The following CNBD1 variants were observed in gnomAD, a reference collection of about 807,000 sequenced individuals.
CNBD1 encodes cyclic nucleotide binding domain containing 1, also known as cyclic nucleotide-binding domain-containing protein 1.
A neutral mutation model predicts 54.4 loss-of-function variants in CNBD1; 71 were observed. The ratio of observed to expected loss-of-function variants is 1.30; its 90% CI spans 1.08 to 1.59. The LOEUF (loss-of-function observed/expected upper bound fraction) is 1.59. CNBD1 is among the 40% of genes most tolerant of loss of function. The pLI is 0.00. For missense variants in CNBD1, 659 were observed against 518.0 expected, an observed-to-expected ratio of 1.27 and a Z score of -2.64; for synonymous variants, 182 against 170.7, an observed-to-expected ratio of 1.07 and a Z score of -0.51.
chr8:87,283,660 A>T (rs79671750), intron 6 of CNBD1, among the ~76,000 whole-genome samples: 15,688 of 152,040 alleles, frequency 0.1, 1,121 homozygotes, highest in Non-Finnish European at 0.16. Flanking sequence ...GCCAGCTTCT[A>T]TGTGGCTTTC....
At chr8:87,358,415 C>A (rs1029687024) in intron 10 of CNBD1, among the ~76,000 whole-genome samples, 1 of 152,092 alleles carries the variant, frequency 6.6e-6, no homozygotes, top group Non-Finnish European at 1.5e-5. Context: ...ATTAAAATGA[C>A]AATATTCTCA....
At chr8:87,420,167 T>G (rs934719043) in intron 2 of CNBD1, among the ~76,000 whole-genome samples, 28 of 152,084 alleles carry the variant, frequency 1.8e-4, no homozygotes, top group African/African-American at 6.0e-4. Context: ...AGTTTTAATT[T>G]TTTTTGCTCA....
intron 6 of CNBD1, among the ~76,000 whole-genome samples, chr8:87,267,233 A>C (rs935023594): frequency 2.0e-5 from 3 of 152,230 alleles, no homozygotes; most frequent in African/African-American, 7.2e-5. Flanking sequence ...TAAATTGGCA[A>C]GTACAAGTAT....
chr8:87,181,018 G>A (rs955328139), intron 4 of CNBD1, among the ~76,000 whole-genome samples: 2 of 152,110 alleles, frequency 1.3e-5, no homozygotes, highest in East Asian at 1.9e-4. Context: ...TCTGCAATCT[G>A]TCTATGCTCT....
At chr8:87,077,529 T>G (rs1810898952) in intron 4 of CNBD1, among the ~76,000 whole-genome samples, 1 of 150,826 alleles carries the variant, frequency 6.6e-6, no homozygotes, top group African/African-American at 2.4e-5. Flanking sequence ...TCATTTACAT[T>G]AGGTATTTCT....
chr8:87,089,451 G>T (rs905041218), intron 4 of CNBD1, among the ~76,000 whole-genome samples: 1 of 152,116 alleles, frequency 6.6e-6, no homozygotes, highest in African/African-American at 2.4e-5. Flanking sequence ...AAATGGAAAA[G>T]AGGTTAAATA....
At chr8:87,082,513 C>T (rs1413492292) in intron 4 of CNBD1, among the ~76,000 whole-genome samples, 1 of 152,166 alleles carries the variant, frequency 6.6e-6, no homozygotes, top group Non-Finnish European at 1.5e-5. Flanking sequence ...TTGTTGTCTG[C>T]TTCACCTGCA....
intron 6 of CNBD1, among the ~76,000 whole-genome samples, chr8:87,249,508 C>T (rs992201231): frequency 1.3e-5 from 2 of 152,092 alleles, no homozygotes; most frequent in Admixed American, 6.6e-5. Flanking sequence ...ACAAAATGCA[C>T]AGAAGGCACA....
chr8:87,420,960 G>A (rs568897833), intron 2 of CNBD1, among the ~76,000 whole-genome samples: 2 of 152,086 alleles, frequency 1.3e-5, no homozygotes, highest in African/African-American at 4.8e-5. Flanking sequence ...ACTGATGACT[G>A]TTATAGAGAC....
At chr8:86,927,980 T>A (rs936541903) in intron 3 of CNBD1, among the ~76,000 whole-genome samples, 27 of 152,088 alleles carry the variant, frequency 1.8e-4, no homozygotes, top group African/African-American at 6.3e-4. Flanking sequence ...GTGTGGTGAA[T>A]CCAAGATTCC....
chr8:86,889,642 T>C (rs7838520), intron 2 of CNBD1, among the ~76,000 whole-genome samples: 71,676 of 151,922 alleles, frequency 0.47, 17,103 homozygotes, highest in South Asian at 0.55. Flanking sequence ...GGATTTTTTA[T>C]TGAAGATAAA....
chr8:86,930,452 A>T (rs535121270), intron 3 of CNBD1, among the ~76,000 whole-genome samples: 1 of 152,260 alleles, frequency 6.6e-6, no homozygotes, highest in South Asian at 2.1e-4. Flanking sequence ...AATGGCCTAG[A>T]TCTTGGGCCA....
At chr8:87,324,803 T>G (rs1809633279) in intron 8 of CNBD1, among the ~76,000 whole-genome samples, 1 of 127,392 alleles carries the variant, frequency 7.8e-6, no homozygotes, top group African/African-American at 3.0e-5. Context: ...TCTATTTCCT[T>G]CAGTTCTGCT....
At chr8:87,157,485 C>T (rs1170130251) in intron 4 of CNBD1, among the ~76,000 whole-genome samples, 1 of 152,178 alleles carries the variant, frequency 6.6e-6, no homozygotes, top group African/African-American at 2.4e-5. Context: ...TATGACTGTC[C>T]TGTTACTTGG....
intron 8 of CNBD1, among the ~76,000 whole-genome samples, chr8:87,301,908 G>A (rs1054174365): frequency 6.6e-6 from 1 of 152,076 alleles, no homozygotes; most frequent in African/African-American, 2.4e-5. Context: ...TAAATTCCTC[G>A]ACACATATAC....
chr8:87,190,226 AC>A (rs1813572619), intron 4 of CNBD1, among the ~76,000 whole-genome samples: 2 of 152,054 alleles, frequency 1.3e-5, no homozygotes, highest in Non-Finnish European at 2.9e-5. Context: ...ATGTTCATGT[AC>A]CCCCAAACAT....
intron 4 of CNBD1, among the ~76,000 whole-genome samples, chr8:87,042,549 G>A (rs1302644824): frequency 1.3e-5 from 2 of 152,046 alleles, no homozygotes; most frequent in African/African-American, 4.8e-5. Context: ...TAAATGATGG[G>A]GAAGAAATAT....
intron 4 of CNBD1, among the ~76,000 whole-genome samples, chr8:87,120,859 AT>A (rs1269462864): frequency 6.6e-6 from 1 of 151,782 alleles, no homozygotes; most frequent in East Asian, 1.9e-4. Context: ...ATTAGTCTCT[AT>A]TTTTGTTTTT....
chr8:87,374,827 T>A (rs1162192447), intron 10 of CNBD1, among the ~76,000 whole-genome samples: 1 of 151,858 alleles, frequency 6.6e-6, no homozygotes, highest in African/African-American at 2.4e-5. Context: ...ATAGCTTAGC[T>A]AGAAACATCT....
Sources: allele counts gnomAD v4.1 joint callset (sites outside exome capture counted in the v4.1 genomes callset), GRCh38; gene constraint gnomAD v4.1.1; transcripts MANE v1.5; gene names NCBI Gene and HGNC (gene_info 2026-07-23, HGNC 2026-07-21).